MED12L: variants seen among roughly 807,000 people sequenced by gnomAD.
The protein encoded by MED12L is mediator complex subunit 12L, also known as mediator of RNA polymerase II transcription subunit 12-like protein.
MED12L carries 60 observed loss-of-function variants against 281.3 expected under a neutral mutation model. The ratio of observed to expected loss-of-function variants is 0.21; its 90% CI spans 0.17 to 0.26. The LOEUF (loss-of-function observed/expected upper bound fraction) is 0.26. Among genes scored for constraint, MED12L ranks in the 10% least tolerant of loss-of-function variants. The pLI is 1.00. For missense variants in MED12L, 2,146 were observed against 2,680.9 expected, an observed-to-expected ratio of 0.80 and a Z score of 4.41; for synonymous variants, 974 against 987.2, an observed-to-expected ratio of 0.99 and a Z score of 0.25.
chr3:151,376,866 A>G lies in MED12L; in HGVS notation c.4120A>G (p.Lys1374Glu), dbSNP rs767771556. 3 of 1,614,004 alleles carry G rather than the reference A, an allele frequency of 1.9e-6. No homozygotes were observed. Among genetic ancestry groups the G allele is most frequent in the Non-Finnish European group, 2.5e-6 (3 of 1,179,884 alleles). Reference protein sequence around the residue: ...ELQLMIKQCLKDPGSGSVAEM... With the variant: ...ELQLMIKQCLEDPGSGSVAEM... Reference sequence around the variant, plus strand: ...CCAGCTAATGATCAAACAGTGCTTGAAGGACCCTGTGAGTTTATATTGAAA... The same window carrying G: ...CCAGCTAATGATCAAACAGTGCTTGGAGGACCCTGTGAGTTTATATTGAAA... Residue 1374 changes from lysine (K) to glutamate (E), a missense_variant, in exon 29 of 45, where the codon AAG (lysine) becomes GAG (glutamate). Around this residue, in one of 9 missense-constraint regions of MED12L, gnomAD observed 235 missense variants for 260.3 expected, o/e 0.90. Coordinates refer to ENST00000687756, the MANE Select transcript of MED12L (RefSeq NM_001393769.1).
chr3:151,240,616 A>C (rs980475996), intron 16 of MED12L, among the ~76,000 whole-genome samples: 8 of 151,526 alleles, frequency 5.3e-5, no homozygotes, highest in African/African-American at 1.9e-4. Context: ...GTTTATCTTT[A>C]AGCATCTCCT....
rs180886333 is a variant in MED12L at position 151,354,395 on chromosome 3, C to G, written c.2399-726C>G. On this transcript the variant is annotated intron_variant, in intron 17 of 44. Coordinates refer to ENST00000687756, the MANE Select transcript of MED12L (RefSeq NM_001393769.1). ...CTTTATGCTAATTTGATAAACATGT[C>G]ACTTCTTCATTAATGTGGAATGATT... Among the ~76,000 whole-genome samples, 310 of 152,054 alleles carry G rather than the reference C, an allele frequency of 2.0e-3. 2 individuals carry two copies. Among genetic ancestry groups the G allele is most frequent in the African/African-American group, 7.3e-3 (301 of 41,470 alleles).
intron 44 of MED12L, among the ~76,000 whole-genome samples, chr3:151,432,325 C>A (rs1007150426): frequency 2.0e-5 from 3 of 152,226 alleles, no homozygotes; most frequent in African/African-American, 7.2e-5. Flanking sequence ...TTGTACATAC[C>A]TTATGGCTAT....
At chr3:151,113,745 G>A (rs148585016) in intron 2 of MED12L, among the ~76,000 whole-genome samples, 1 of 152,176 alleles carries the variant, frequency 6.6e-6, no homozygotes, top group Non-Finnish European at 1.5e-5. Context: ...TGTATCCATT[G>A]TTCCATGTTC....
Position 151,355,907 on chromosome 3 carries a change from T to C in MED12L, c.2529T>C (p.Asn843=), listed in dbSNP as rs1428246689. The change falls in exon 19 of 45, where the codon AAT becomes AAC. Residue 843 remains asparagine, a synonymous_variant. Transcript: ENST00000687756. The stretch of plus-strand genomic sequence containing the variant: ...TTTTATTTGCACAGATTTCTAACAA[T>C]GTGCTAGAACAAATCACAAGCTTTG... ...QHQVTSQISN[N]VLEQITSFAS... 6.2e-7 allele frequency: 1 copy of C among 1,609,630 alleles called. No homozygotes were observed. Among genetic ancestry groups the C allele is most frequent in the African/African-American group, 1.3e-5 (1 of 74,778 alleles).
rs754757932 is a variant in MED12L, at chr3:151,328,935, G to A, written c.2251-21124G>A. On this transcript the variant is annotated intron_variant, in intron 16 of 44. Transcript: ENST00000687756. Reference sequence around the variant, plus strand: ...GCTGGGAATACCAGCTGTACTATCCGAGTGTCTCTGGGGCACCGCTCAGAT... The same window carrying A: ...GCTGGGAATACCAGCTGTACTATCCAAGTGTCTCTGGGGCACCGCTCAGAT... 10 of 1,613,538 alleles carry A rather than the reference G, an allele frequency of 6.2e-6. No individual in the cohort carries two copies. In the African/African-American group the frequency reaches 8.0e-5, roughly 13 times the overall value.
intron 39 of MED12L, among the ~76,000 whole-genome samples, chr3:151,402,021 A>G (rs1453341231): frequency 6.6e-6 from 1 of 152,162 alleles, no homozygotes. Context: ...GAGGAAATGA[A>G]TCACCAATAC....
At chr3:151,244,833 G>GT (rs1404154297) in intron 16 of MED12L, among the ~76,000 whole-genome samples, 1 of 152,018 alleles carries the variant, frequency 6.6e-6, no homozygotes, top group South Asian at 2.1e-4. Flanking sequence ...CCAGGAGCTG[G>GT]TTTTTTTGAA....
intron 12 of MED12L, among the ~76,000 whole-genome samples, chr3:151,186,485 G>C (rs1273583665): frequency 6.6e-6 from 1 of 151,976 alleles, no homozygotes; most frequent in Non-Finnish European, 1.5e-5. Flanking sequence ...TTCTCCCCAG[G>C]GTCACAGCTC....
chr3:151,129,981 CT>C (rs1715137969), intron 5 of MED12L, among the ~76,000 whole-genome samples: 1 of 151,946 alleles, frequency 6.6e-6, no homozygotes. Flanking sequence ...GTTGCCCAGG[CT>C]TTTTTGGAAT....
rs145967533 is a variant in MED12L, at chr3:151,354,254, A to T, written c.2399-867A>T. ...TTGTCTTTGTAAACATAAAATATTA[A>T]AGTATTTAAAAGCAGGATTGAAGCT... On this transcript the variant is annotated intron_variant, in intron 17 of 44. Coordinates refer to ENST00000687756, the MANE Select transcript of MED12L (RefSeq NM_001393769.1). 2.7e-4 allele frequency among the ~76,000 whole-genome samples: 41 copies of T among 152,138 alleles called. No homozygotes were observed. In the East Asian group the frequency reaches 6.9e-3, roughly 26 times the overall value.
At chr3:151,360,086 G>C (rs1371014907) in intron 20 of MED12L, among the ~76,000 whole-genome samples, 1 of 152,160 alleles carries the variant, frequency 6.6e-6, no homozygotes, top group Non-Finnish European at 1.5e-5. Context: ...CCTTTACAAA[G>C]GAGAAAACTT....
At chr3:151,293,733 C>T (rs1369897963) in intron 16 of MED12L, among the ~76,000 whole-genome samples, 1 of 151,666 alleles carries the variant, frequency 6.6e-6, no homozygotes, top group Non-Finnish European at 1.5e-5. Flanking sequence ...TTTAAAAAAT[C>T]CCCACACAGA....
At chr3:151,176,087 C>A (rs1373234712) in intron 11 of MED12L, among the ~76,000 whole-genome samples, 4 of 152,138 alleles carry the variant, frequency 2.6e-5, no homozygotes, top group Non-Finnish European at 5.9e-5. Context: ...ACAGTGTGGA[C>A]CCCTGTCCCA....
intron 43 of MED12L, among the ~76,000 whole-genome samples, chr3:151,429,387 A>G (rs1719209561): frequency 6.6e-6 from 1 of 152,122 alleles, no homozygotes; most frequent in African/African-American, 2.4e-5. Context: ...AACAGCCAGC[A>G]CCGTGCTGGT....
At chr3:151,228,795 T>G (rs1185866274) in intron 16 of MED12L, among the ~76,000 whole-genome samples, 1 of 152,208 alleles carries the variant, frequency 6.6e-6, no homozygotes, top group Non-Finnish European at 1.5e-5. Flanking sequence ...TTTTTTCTCC[T>G]GGAACTAGGT....
At chr3:151,340,824 G>C (rs1181691774) in intron 16 of MED12L, 2 of 152,522 alleles carry the variant, frequency 1.3e-5, no homozygotes, top group Non-Finnish European at 2.9e-5. Flanking sequence ...TCAAACACTG[G>C]ACTCAAAGCT....
chr3:151,299,967 A>T, intron 16 of MED12L: 1 of 801,222 alleles, frequency 1.2e-6, no homozygotes, highest in Non-Finnish European at 2.3e-6. Flanking sequence ...TTATTTTGTT[A>T]GTTGGTTCTC....
At position 151,366,686 on chromosome 3, in the gene MED12L, AGTTG is replaced by A. The variant is rs1421655903; in HGVS notation, c.3327+696_3327+699del. ...TTATACATCTTTACACCTGCCTCTC[AGTTG>A]AAGGTTGACTTCTGAATTCTGCTAA... On this transcript the variant is annotated intron_variant, in intron 23 of 44. Transcript: ENST00000687756. Among the ~76,000 whole-genome samples, 4 of 152,240 alleles carry A rather than the reference AGTTG, an allele frequency of 2.6e-5. No homozygotes were observed. In the East Asian group the frequency reaches 7.7e-4, roughly 29 times the overall value.
Sources: gnomAD v4.1 joint callset for allele counts (sites outside exome capture counted in the v4.1 genomes callset) on GRCh38, gnomAD v4.1.1 for gene constraint, gnomAD v4.1.1 regional missense constraint, MANE v1.5 for transcripts, NCBI Gene and HGNC (gene_info 2026-07-23, HGNC 2026-07-21) for gene names.